Variants in GRID1 observed in about 807,000 individuals in gnomAD.
The protein encoded by GRID1 is glutamate ionotropic receptor delta type subunit 1, also known as glutamate receptor ionotropic, delta-1.
A neutral mutation model predicts 98.0 loss-of-function variants in GRID1; 28 were observed. The observed-to-expected ratio is 0.29, with a 90% CI of 0.21 to 0.39. The LOEUF (loss-of-function observed/expected upper bound fraction) is 0.39. Among genes scored for constraint, GRID1 ranks in the 10% least tolerant of loss-of-function variants. GRID1 has a pLI of 1.00. For missense variants in GRID1, 1,111 were observed against 1,340.5 expected (o/e 0.83, Z 2.67); for synonymous variants, 553 against 538.5 (o/e 1.03, Z -0.37).
At chr10:85,788,164 G>C (rs1052202212) in intron 8 of GRID1, among the ~76,000 whole-genome samples, 1 of 151,796 alleles carries the variant, frequency 6.6e-6, no homozygotes, top group Non-Finnish European at 1.5e-5. Flanking sequence ...GAATGAGGGG[G>C]AAAAAAAATC....
chr10:86,222,468 C>T (rs1846271660), intron 2 of GRID1, among the ~76,000 whole-genome samples: 1 of 152,164 alleles, frequency 6.6e-6, no homozygotes, highest in Non-Finnish European at 1.5e-5. Flanking sequence ...AAAAGCGGGG[C>T]CTTCACCCCA....
chr10:85,742,964 C>A (rs1841958834), intron 8 of GRID1, among the ~76,000 whole-genome samples: 1 of 152,212 alleles, frequency 6.6e-6, no homozygotes, highest in Admixed American at 6.5e-5. Flanking sequence ...CTGTGCATTG[C>A]AGGATGTTTA....
chr10:86,215,720 C>A (rs1432023569), intron 2 of GRID1, among the ~76,000 whole-genome samples: 1 of 152,190 alleles, frequency 6.6e-6, no homozygotes, highest in East Asian at 1.9e-4. Flanking sequence ...CAAGATGTCA[C>A]CTCCTCACTC....
chr10:85,974,514 C>T (rs962911443), intron 4 of GRID1, among the ~76,000 whole-genome samples: 2 of 152,166 alleles, frequency 1.3e-5, no homozygotes, highest in Non-Finnish European at 2.9e-5. Context: ...TTCAATTTTT[C>T]CACATCAGAT....
chr10:85,817,813 C>T (rs1310717376), intron 8 of GRID1, among the ~76,000 whole-genome samples: 1 of 152,088 alleles, frequency 6.6e-6, no homozygotes, highest in Non-Finnish European at 1.5e-5. Context: ...ATCGCTTGAA[C>T]CCAGGAGGCA....
rs545397454 is a variant in GRID1, at chr10:86,320,643, T to C, written c.235+43298A>G. ...CTGCACAGAATGTGAATTAATGCTA[T>C]TGAACTGTACACTTAAAAATGGCTA... On this transcript the variant is annotated intron_variant, in intron 2 of 15. Coordinates refer to ENST00000327946, the MANE Select transcript of GRID1 (RefSeq NM_017551.3). Among the ~76,000 whole-genome samples, 23 of 152,278 alleles carry C rather than the reference T, an allele frequency of 1.5e-4. 1 individual carries two copies. The highest frequency in any genetic ancestry group is 5.1e-4 in the African/African-American group (21 of 41,544).
chr10:85,612,770 A>G (rs768628929), intron 15 of GRID1, among the ~76,000 whole-genome samples: 1 of 152,052 alleles, frequency 6.6e-6, no homozygotes, highest in Non-Finnish European at 1.5e-5. Flanking sequence ...CTTGCAGAAC[A>G]CAAACCCAGT....
intron 2 of GRID1, among the ~76,000 whole-genome samples, chr10:86,302,068 T>G (rs1214769981): frequency 2.6e-5 from 4 of 152,230 alleles, no homozygotes; most frequent in Admixed American, 6.5e-5. Flanking sequence ...ACTTCTGTGC[T>G]AAAAGCCTCA....
chr10:86,152,508 G>A (rs1845183383), intron 3 of GRID1, among the ~76,000 whole-genome samples: 1 of 152,268 alleles, frequency 6.6e-6, no homozygotes, highest in Non-Finnish European at 1.5e-5. Context: ...CCCATAGCTG[G>A]AGCAGATGCT....
intron 4 of GRID1, among the ~76,000 whole-genome samples, chr10:85,936,892 T>G (rs913971550): frequency 6.6e-6 from 1 of 152,244 alleles, no homozygotes; most frequent in South Asian, 2.1e-4. Flanking sequence ...TTAATTCACA[T>G]TTGTTTTTCA....
At chr10:85,631,162 C>T (rs527640524) in intron 13 of GRID1, among the ~76,000 whole-genome samples, 1 of 152,254 alleles carries the variant, frequency 6.6e-6, no homozygotes, top group African/African-American at 2.4e-5. Flanking sequence ...CATTTTCCAC[C>T]CAGGGAAATT....
intron 3 of GRID1, among the ~76,000 whole-genome samples, chr10:86,173,994 G>A (rs1286635053): frequency 1.3e-5 from 2 of 151,958 alleles, no homozygotes; most frequent in East Asian, 1.9e-4. Flanking sequence ...CTTCTGGGTT[G>A]GTTCCAAGTC....
chr10:85,725,774 T>C (rs1841754319), intron 10 of GRID1, among the ~76,000 whole-genome samples: 1 of 152,192 alleles, frequency 6.6e-6, no homozygotes, highest in Admixed American at 6.5e-5. Context: ...GGGACAGATA[T>C]ACTCATGTCC....
intron 5 of GRID1, among the ~76,000 whole-genome samples, chr10:85,876,892 T>A (rs1843338236): frequency 6.6e-6 from 1 of 152,162 alleles, no homozygotes; most frequent in South Asian, 2.1e-4. Flanking sequence ...GAAAATCGGG[T>A]CACACCCACC....
intron 4 of GRID1, among the ~76,000 whole-genome samples, chr10:86,044,844 A>G (rs1843399404): frequency 6.6e-6 from 1 of 152,224 alleles, no homozygotes; most frequent in African/African-American, 2.4e-5. Context: ...CCAAAAGTAC[A>G]TTCTGTGTAG....
chr10:85,801,550 G>GA lies in GRID1; in HGVS notation c.1233+52945dup, dbSNP rs559372918. 4.5e-3 allele frequency among the ~76,000 whole-genome samples: 685 copies of GA among 151,568 alleles called. 2 individuals carry two copies. The highest frequency in any genetic ancestry group is 0.015 in the African/African-American group (636 of 41,420). ...GAATTTTGTTAAACAAATTAATAGAGAAAACCCATGTCATCACCTCACAGA... is the reference window on the plus strand; with the variant it reads ...GAATTTTGTTAAACAAATTAATAGAGAAAAACCCATGTCATCACCTCACAGA... On this transcript the variant is annotated intron_variant, in intron 8 of 15. Coordinates refer to ENST00000327946, the MANE Select transcript of GRID1 (RefSeq NM_017551.3).
At chr10:86,231,958 G>A (rs1846459941) in intron 2 of GRID1, among the ~76,000 whole-genome samples, 1 of 152,156 alleles carries the variant, frequency 6.6e-6, no homozygotes, top group South Asian at 2.1e-4. Flanking sequence ...ATGGGGTGAG[G>A]GTTGCTCCTA....
At chr10:86,231,517 C>T (rs1846452658) in intron 2 of GRID1, among the ~76,000 whole-genome samples, 1 of 152,172 alleles carries the variant, frequency 6.6e-6, no homozygotes, top group Non-Finnish European at 1.5e-5. Flanking sequence ...GCCCATGGCC[C>T]TACTGTCAAC....
chr10:86,109,753 C>T (rs1214459124), intron 4 of GRID1, among the ~76,000 whole-genome samples: 1 of 152,162 alleles, frequency 6.6e-6, no homozygotes, highest in Non-Finnish European at 1.5e-5. Context: ...ACTGAAAGCT[C>T]TCCAGGTGAT....
Sources: gnomAD v4.1 joint callset for allele counts (sites outside exome capture counted in the v4.1 genomes callset) on GRCh38, gnomAD v4.1.1 for gene constraint, MANE v1.5 for transcripts, NCBI Gene and HGNC (gene_info 2026-07-23, HGNC 2026-07-21) for gene names.